Variants in NF1 observed in about 807,000 individuals in gnomAD.
NF1 encodes neurofibromin.
Under a neutral mutation model 325.7 loss-of-function variants are expected in NF1, and 122 were observed. The observed-to-expected ratio is 0.37, with a 90% confidence interval of 0.32 to 0.44. The LOEUF is 0.44. Among genes scored for constraint, NF1 ranks in the 20% least tolerant of loss-of-function variants. The probability of loss-of-function intolerance (pLI) is 1.00; values close to 1 mark genes in which losing one functional copy is unlikely to be tolerated. For synonymous variants in NF1, 1,091 were observed against 1,186.0 expected (o/e 0.92, Z 1.65); for missense variants, 2,140 against 3,415.4 (o/e 0.63, Z 9.31).
At position 31,221,908 on chromosome 17, in the gene NF1, T is replaced by C. The variant is rs2144004648; in HGVS notation, c.1700T>C (p.Val567Ala). The part of the protein sequence containing the change: ...SIDLWNPDAP[V>A]ETFWEISSQM... ...GATTTGTGGAATCCTGATGCTCCTG[T>C]AGAAACATTTTGGGAGATTAGGTAT... Residue 567 changes from valine to alanine, a missense_variant, in exon 15 of 58, where the codon GTA becomes GCA. Physicochemically the swap from Val to Ala is moderately conservative, Grantham distance 64 (BLOSUM62 0). This residue lies in a region of NF1 where 179 missense variants were observed against 381.0 expected (regional missense o/e 0.47). Transcript: ENST00000358273. The C allele has an allele frequency of 6.2e-7, 1 of 1,606,460 alleles. No homozygotes were observed. The highest frequency in any genetic ancestry group is 2.2e-5 in the East Asian group (1 of 44,710).
chr17:31,254,273 C>CAAAAAAAAA (rs35958218), intron 31 of NF1: 3 of 75,738 alleles, frequency 4.0e-5, no homozygotes, highest in Non-Finnish European at 7.9e-5. Context: ...CCCTGTCTCA[C>CAAAAAAAAA]AAAAAAAAAA....
At position 31,232,816 on chromosome 17, in the gene NF1, G is replaced by A. The variant is rs2151434711; in HGVS notation, c.3431G>A (p.Cys1144Tyr). The A allele has an allele frequency of 1.2e-6, 2 of 1,614,128 alleles. No individual in the cohort carries two copies. The highest frequency in any genetic ancestry group is 4.5e-5 in the East Asian group (2 of 44,888). ...CGGAGGCTGGCATCACTGAGGCACT[G>A]TACGGTCCTTGCAATGTCAAACTTA... The part of the protein sequence containing the change: ...MSRRLASLRH[C>Y]TVLAMSNLLN... Residue 1144 changes from cysteine (C) to tyrosine (Y), a missense_variant, in exon 26 of 58, where the codon TGT (cysteine) becomes TAT (tyrosine). Transcript: ENST00000358273.
At chr17:31,096,723 T>G (rs762240954) in intron 1 of NF1, among the ~76,000 whole-genome samples, 1 of 152,162 alleles carries the variant, frequency 6.6e-6, no homozygotes, top group Admixed American at 6.5e-5. Flanking sequence ...CTGGAAAATA[T>G]CTTGGAATAG....
intron 8 of NF1, among the ~76,000 whole-genome samples, chr17:31,186,309 C>T (rs564982319): frequency 1.3e-5 from 2 of 152,276 alleles, no homozygotes; most frequent in East Asian, 3.9e-4. Flanking sequence ...GGGCCTGGTT[C>T]GCAGATGGTT....
chr17:31,142,615 C>T (rs1916300881), intron 1 of NF1, among the ~76,000 whole-genome samples: 3 of 152,194 alleles, frequency 2.0e-5, no homozygotes, highest in South Asian at 4.1e-4. Context: ...TGCCTGTAAT[C>T]CCAGCACTTT....
intron 5 of NF1, among the ~76,000 whole-genome samples, chr17:31,173,404 C>A (rs938946917): frequency 6.6e-6 from 1 of 151,716 alleles, no homozygotes; most frequent in Non-Finnish European, 1.5e-5. Flanking sequence ...AGTGATACTC[C>A]GTCTCTAAAT....
intron 31 of NF1, 174 bp downstream of exon 31, chr17:31,253,174 G>C: frequency 1.6e-6 from 1 of 610,790 alleles, no homozygotes; most frequent in Non-Finnish European, 2.9e-6. Flanking sequence ...AAGTTACATT[G>C]AAACATTCTC....
At chr17:31,235,478 TAATC>T in intron 27 of NF1, 129 bp from the exon 28 acceptor site, 1 of 844,330 alleles carries the variant, frequency 1.2e-6, no homozygotes, top group Non-Finnish European at 2.0e-6. Context: ...GGATAAATAT[TAATC>T]AGTCATCATT....
At chr17:31,113,615 G>C (rs1215299489) in intron 1 of NF1, among the ~76,000 whole-genome samples, 1 of 152,050 alleles carries the variant, frequency 6.6e-6, no homozygotes, top group Non-Finnish European at 1.5e-5. Context: ...CTGCAGCCTT[G>C]ACCTCCTGGG....
chr17:31,295,608 T>A (rs779474018), intron 36 of NF1: 21 of 1,614,170 alleles, frequency 1.3e-5, no homozygotes, highest in Middle Eastern at 1.6e-4. Flanking sequence ...GTTTCCATCA[T>A]CCACTTCAGT....
chr17:31,368,417 G>T (rs1355784717), intron 57 of NF1, among the ~76,000 whole-genome samples: 1 of 152,086 alleles, frequency 6.6e-6, no homozygotes, highest in East Asian at 1.9e-4. Context: ...AGGATTACAG[G>T]CATGAGCCAC....
At chr17:31,337,749 A>G (rs1344703134) in intron 43 of NF1, 70 bp from the exon 44 acceptor site, 57 of 1,527,390 alleles carry the variant, frequency 3.7e-5, no homozygotes, top group Non-Finnish European at 4.8e-5. Context: ...ATGACATCAT[A>G]ATAAACATTA....
chr17:31,305,685 T>G (rs554250562), intron 36 of NF1: 1 of 1,483,954 alleles, frequency 6.7e-7, no homozygotes, highest in South Asian at 1.4e-5. Flanking sequence ...TGGTGTCTAG[T>G]TAAAAATTTG....
intron 1 of NF1, among the ~76,000 whole-genome samples, chr17:31,097,599 C>G (rs890535310): frequency 6.6e-6 from 1 of 152,056 alleles, no homozygotes; most frequent in Non-Finnish European, 1.5e-5. Context: ...ATCAAACTCA[C>G]CACCATCTGT....
intron 29 of NF1, among the ~76,000 whole-genome samples, chr17:31,248,780 C>T (rs2067443672): frequency 6.6e-6 from 1 of 151,988 alleles, no homozygotes; most frequent in Admixed American, 6.6e-5. Flanking sequence ...GCCTTGGCCT[C>T]CCAAAGTACT....
intron 1 of NF1, among the ~76,000 whole-genome samples, chr17:31,102,762 A>G (rs537974622): frequency 2.0e-5 from 3 of 151,096 alleles, no homozygotes; most frequent in African/African-American, 7.3e-5. Context: ...GAGCGTGACT[A>G]GTCTCTGGAT....
intron 31 of NF1, among the ~76,000 whole-genome samples, chr17:31,255,638 A>G (rs2067571065): frequency 6.6e-6 from 1 of 152,196 alleles, no homozygotes; most frequent in Non-Finnish European, 1.5e-5. Flanking sequence ...GTAAAAGTGT[A>G]GTACTTTTCA....
chr17:31,164,994 G>A (rs903154718), intron 4 of NF1, among the ~76,000 whole-genome samples: 2 of 152,024 alleles, frequency 1.3e-5, no homozygotes, highest in African/African-American at 4.8e-5. Context: ...AATAAAAAAC[G>A]CAAACCCTTT....
chr17:31,115,386 G>T (rs1257619053), intron 1 of NF1, among the ~76,000 whole-genome samples: 2 of 152,208 alleles, frequency 1.3e-5, no homozygotes, highest in Non-Finnish European at 2.9e-5. Context: ...GTGGAACTGT[G>T]TGGAATCATT....
Sources: gnomAD v4.1 joint callset for allele counts (sites outside exome capture counted in the v4.1 genomes callset) on GRCh38, gnomAD v4.1.1 for gene constraint, gnomAD v4.1.1 regional missense constraint, MANE v1.5 for transcripts, NCBI Gene and HGNC (gene_info 2026-07-23, HGNC 2026-07-21) for gene names.